The following KCNQ3 variants were observed in gnomAD, a reference collection of about 807,000 sequenced individuals.
KCNQ3 encodes the protein potassium voltage-gated channel subfamily Q member 3.
KCNQ3 carries 30 observed loss-of-function variants against 92.5 expected under a neutral mutation model. The observed-to-expected ratio is 0.32, with a 90% CI of 0.24 to 0.44. The LOEUF is 0.44. Among genes scored for constraint, KCNQ3 ranks in the 20% least tolerant of loss-of-function variants. KCNQ3 has a pLI of 1.00. For synonymous variants in KCNQ3, 450 were observed against 468.8 expected, an observed-to-expected ratio of 0.96 and a Z score of 0.52; for missense variants, 913 against 1,140.3, an observed-to-expected ratio of 0.80 and a Z score of 2.87.
chr8:132,358,744 T>C (rs1819083382), intron 1 of KCNQ3, among the ~76,000 whole-genome samples: 1 of 152,122 alleles, frequency 6.6e-6, no homozygotes, highest in African/African-American at 2.4e-5. Context: ...GACATGCTTG[T>C]GGGATGAGTA....
intron 8 of KCNQ3, among the ~76,000 whole-genome samples, chr8:132,168,613 A>C (rs1206664297): frequency 1.3e-5 from 2 of 152,166 alleles, no homozygotes; most frequent in Admixed American, 6.5e-5. Flanking sequence ...TTACTTTGTC[A>C]TGGTCACTGA....
chr8:132,197,297 C>T (rs1017810360), intron 1 of KCNQ3, among the ~76,000 whole-genome samples: 74 of 152,316 alleles, frequency 4.9e-4, no homozygotes, highest in Non-Finnish European at 1.5e-4. Context: ...TCAGCCTTCA[C>T]CAGGCCAAGC....
chr8:132,419,482 G>A (rs1315214562), intron 1 of KCNQ3, among the ~76,000 whole-genome samples: 1 of 152,152 alleles, frequency 6.6e-6, no homozygotes, highest in Non-Finnish European at 1.5e-5. Context: ...CAGTGCCTGA[G>A]TCCTGATTCC....
chr8:132,378,514 G>A (rs1415545909), intron 1 of KCNQ3, among the ~76,000 whole-genome samples: 1 of 152,122 alleles, frequency 6.6e-6, no homozygotes, highest in Non-Finnish European at 1.5e-5. Context: ...CTTTTTCCAG[G>A]ACACTTTTCC....
chr8:132,212,966 C>A (rs1387615365), intron 1 of KCNQ3, among the ~76,000 whole-genome samples: 1 of 152,232 alleles, frequency 6.6e-6, no homozygotes, highest in Admixed American at 6.5e-5. Flanking sequence ...ACACCAGGAG[C>A]CTACGTGTGC....
At chr8:132,189,371 C>T (rs183998945) in intron 1 of KCNQ3, among the ~76,000 whole-genome samples, 15 of 152,264 alleles carry the variant, frequency 9.9e-5, no homozygotes, top group African/African-American at 3.1e-4. Flanking sequence ...TAATTGTTTG[C>T]GCACATCATG....
At chr8:132,415,174 C>G (rs1301892874) in intron 1 of KCNQ3, among the ~76,000 whole-genome samples, 1 of 152,224 alleles carries the variant, frequency 6.6e-6, no homozygotes, top group East Asian at 1.9e-4. Context: ...AACCTCCACT[C>G]CAGGGTACTT....
chr8:132,465,041 G>C (rs1822140443), intron 1 of KCNQ3, among the ~76,000 whole-genome samples: 1 of 152,106 alleles, frequency 6.6e-6, no homozygotes, highest in South Asian at 2.1e-4. Context: ...ACAAAAAGAG[G>C]AATTTAAAAA....
chr8:132,233,718 C>T (rs1263659754), intron 1 of KCNQ3, among the ~76,000 whole-genome samples: 5 of 152,184 alleles, frequency 3.3e-5, no homozygotes, highest in African/African-American at 7.2e-5. Flanking sequence ...TCAGCCTAAA[C>T]GGGTCCCTCA....
At chr8:132,267,756 C>T (rs1379270281) in intron 1 of KCNQ3, among the ~76,000 whole-genome samples, 1 of 152,212 alleles carries the variant, frequency 6.6e-6, no homozygotes, top group African/African-American at 2.4e-5. Context: ...GCCCAGGAAT[C>T]TGCATTTTTA....
chr8:132,466,264 G>C (rs180730814), intron 1 of KCNQ3, among the ~76,000 whole-genome samples: 19 of 151,732 alleles, frequency 1.3e-4, no homozygotes, highest in African/African-American at 4.4e-4. Context: ...CAACCCTTAG[G>C]CTTCAAGACT....
chr8:132,279,675 C>T (rs147592983), intron 1 of KCNQ3, among the ~76,000 whole-genome samples: 289 of 152,320 alleles, frequency 1.9e-3, no homozygotes, highest in African/African-American at 6.8e-3. Context: ...CGCACACACA[C>T]GTGTATATGT....
intron 1 of KCNQ3, among the ~76,000 whole-genome samples, chr8:132,395,597 G>A (rs1407702216): frequency 6.6e-6 from 1 of 152,214 alleles, no homozygotes; most frequent in African/African-American, 2.4e-5. Flanking sequence ...GGAAAGTGAT[G>A]AGACTTTCAG....
intron 1 of KCNQ3, among the ~76,000 whole-genome samples, chr8:132,360,731 G>T (rs1223747991): frequency 6.6e-6 from 1 of 152,140 alleles, no homozygotes; most frequent in East Asian, 1.9e-4. Flanking sequence ...TCTTAGTAAT[G>T]TTCACGGTCC....
chr8:132,204,317 T>C (rs1398380155), intron 1 of KCNQ3, among the ~76,000 whole-genome samples: 1 of 152,174 alleles, frequency 6.6e-6, no homozygotes, highest in South Asian at 2.1e-4. Flanking sequence ...TATTCTATGT[T>C]TTCATATTCT....
At chr8:132,452,486 C>T (rs149463317) in intron 1 of KCNQ3, among the ~76,000 whole-genome samples, 2 of 152,296 alleles carry the variant, frequency 1.3e-5, no homozygotes, top group Non-Finnish European at 2.9e-5. Flanking sequence ...CCACTGGAAC[C>T]TTCTGGCAAA....
intron 1 of KCNQ3, among the ~76,000 whole-genome samples, chr8:132,403,738 C>G (rs1469337698): frequency 6.6e-6 from 1 of 152,170 alleles, no homozygotes; most frequent in Non-Finnish European, 1.5e-5. Flanking sequence ...AGCCCCGGGC[C>G]TCTGGTTTGC....
chr8:132,270,634 G>C, intron 1 of KCNQ3, among the ~76,000 whole-genome samples: 1 of 152,004 alleles, frequency 6.6e-6, no homozygotes, highest in East Asian at 1.9e-4. Flanking sequence ...TACTTTTTTT[G>C]TTCTCTACCA....
intron 1 of KCNQ3, among the ~76,000 whole-genome samples, chr8:132,406,729 G>A (rs1316101731): frequency 6.6e-6 from 1 of 152,172 alleles, no homozygotes; most frequent in Non-Finnish European, 1.5e-5. Flanking sequence ...TAATAAGTCA[G>A]GGGATGTGGT....
Sources: gnomAD v4.1 joint callset for allele counts (sites outside exome capture counted in the v4.1 genomes callset) on GRCh38, gnomAD v4.1.1 for gene constraint, MANE v1.5 for transcripts, NCBI Gene and HGNC (gene_info 2026-07-23, HGNC 2026-07-21) for gene names.